Variants in LMBR1 observed in about 807,000 individuals in gnomAD.
LMBR1 encodes the protein limb region 1 protein homolog.
A neutral mutation model predicts 73.9 loss-of-function variants in LMBR1; 52 were observed. The observed-to-expected ratio is 0.70, with a 90% CI of 0.56 to 0.89. The LOEUF is 0.89. Among genes scored for constraint, LMBR1 ranks in the 40% least tolerant of loss-of-function variants. The pLI is 0.00. For missense variants in LMBR1, 539 were observed against 579.8 expected, an observed-to-expected ratio of 0.93 and a Z score of 0.72; for synonymous variants, 215 against 209.4, an observed-to-expected ratio of 1.03 and a Z score of -0.23.
intron 5 of LMBR1, among the ~76,000 whole-genome samples, chr7:156,787,039 G>A (rs541240277): frequency 2.0e-5 from 3 of 152,248 alleles, no homozygotes; most frequent in African/African-American, 2.4e-5. Context: ...GGAAGTCAGC[G>A]CCTACAGATG....
chr7:156,891,320 T>C (rs1165207748), intron 1 of LMBR1, among the ~76,000 whole-genome samples: 1 of 142,984 alleles, frequency 7.0e-6, no homozygotes, highest in East Asian at 2.1e-4. Context: ...TAGAAACTAC[T>C]GAAGTGCCCA....
intron 5 of LMBR1, chr7:156,779,643 C>T (rs1234544899): frequency 1.6e-6 from 2 of 1,242,424 alleles, no homozygotes; most frequent in African/African-American, 3.1e-5. Context: ...GTGAAAATTA[C>T]AATGTACTTA....
At chr7:156,813,091 G>A (rs1188391352) in intron 4 of LMBR1, among the ~76,000 whole-genome samples, 1 of 152,150 alleles carries the variant, frequency 6.6e-6, no homozygotes, top group African/African-American at 2.4e-5. Flanking sequence ...ACCAACACTT[G>A]AATATTGGCT....
chr7:156,674,473 A>G (rs1438325256), downstream of LMBR1, among the ~76,000 whole-genome samples: 2 of 152,028 alleles, frequency 1.3e-5, no homozygotes, highest in African/African-American at 4.8e-5. Context: ...TTTGCTTTAC[A>G]CTCTTCACAT....
intron 10 of LMBR1, among the ~76,000 whole-genome samples, chr7:156,729,697 T>G (rs1202184996): frequency 1.3e-5 from 2 of 152,028 alleles, no homozygotes; most frequent in African/African-American, 4.8e-5. Flanking sequence ...ATGGTCCCGA[T>G]CTCCTGACCT....
At chr7:156,890,469 AC>A (rs2134629148) in intron 1 of LMBR1, among the ~76,000 whole-genome samples, 1 of 152,364 alleles carries the variant, frequency 6.6e-6, no homozygotes, top group Non-Finnish European at 1.5e-5. Flanking sequence ...ACAATATAAT[AC>A]AAGTTATTCT....
intron 1 of LMBR1, among the ~76,000 whole-genome samples, chr7:156,869,064 T>C (rs1027527128): frequency 5.3e-5 from 8 of 152,204 alleles, no homozygotes; most frequent in African/African-American, 1.9e-4. Flanking sequence ...TCAGAACATA[T>C]TTTCTTTACG....
intron 4 of LMBR1, among the ~76,000 whole-genome samples, chr7:156,810,859 A>G (rs1832972378): frequency 6.6e-6 from 1 of 151,236 alleles, no homozygotes; most frequent in African/African-American, 2.4e-5. Context: ...CCCAGGCTGG[A>G]GTACAGTGGC....
At chr7:156,868,879 C>T (rs1798862157) in intron 1 of LMBR1, among the ~76,000 whole-genome samples, 1 of 152,118 alleles carries the variant, frequency 6.6e-6, no homozygotes, top group Non-Finnish European at 1.5e-5. Context: ...GTGGGAAGAT[C>T]ACCTGAGCCC....
chr7:156,679,103 C>T lies in LMBR1; in HGVS notation c.*4975G>A, dbSNP rs889981520. The T allele has an allele frequency of 8.5e-5, 13 of 152,128 alleles. No homozygotes were observed. Among genetic ancestry groups the T allele is most frequent in the Non-Finnish European group, 7.3e-5 (5 of 68,046 alleles). The allele number at this position is 152,128 out of a possible 1,614,324, so 9.4% of individuals were successfully genotyped here. On this transcript the variant is annotated 3_prime_UTR_variant, in exon 17 of 17. Transcript: ENST00000353442. ...TGTATTTACATCCAGTTCATCTGCCCACTGTAAGCGTGACCCCAGGCAAAT... is the reference window on the plus strand; with the variant it reads ...TGTATTTACATCCAGTTCATCTGCCTACTGTAAGCGTGACCCCAGGCAAAT...
chr7:156,811,350 G>A (rs1358337906), intron 4 of LMBR1, among the ~76,000 whole-genome samples: 1 of 151,856 alleles, frequency 6.6e-6, no homozygotes, highest in Non-Finnish European at 1.5e-5. Flanking sequence ...GGTGGCTCAC[G>A]CCTGTAATCC....
intron 1 of LMBR1, among the ~76,000 whole-genome samples, chr7:156,865,179 C>T (rs888263879): frequency 3.3e-5 from 5 of 151,750 alleles, no homozygotes; most frequent in African/African-American, 9.7e-5. Flanking sequence ...TGATGTTGCA[C>T]GCCTGTAGTC....
At chr7:156,793,942 A>T (rs1209610539) in intron 5 of LMBR1, among the ~76,000 whole-genome samples, 1 of 151,498 alleles carries the variant, frequency 6.6e-6, no homozygotes, top group African/African-American at 2.4e-5. Context: ...AAATTTTCTC[A>T]CGGTTGCAGC....
intron 9 of LMBR1, among the ~76,000 whole-genome samples, chr7:156,736,142 T>A (rs1467329836): frequency 6.6e-6 from 1 of 152,100 alleles, no homozygotes; most frequent in Non-Finnish European, 1.5e-5. Context: ...TAGCTTAGAG[T>A]CACATGTCAG....
intron 15 of LMBR1, among the ~76,000 whole-genome samples, chr7:156,690,739 G>A (rs1246521416): frequency 1.3e-5 from 2 of 152,082 alleles, no homozygotes; most frequent in African/African-American, 4.8e-5. Context: ...ATAAAAACTA[G>A]TTCCAAGACA....
At position 156,679,049 on chromosome 7, in the gene LMBR1, G is replaced by C. The variant is rs1157569015; in HGVS notation, c.*5029C>G. 1 of 152,134 alleles carries C rather than the reference G, an allele frequency of 6.6e-6. No homozygotes were observed. Among genetic ancestry groups the C allele is most frequent in the Admixed American group, 6.6e-5 (1 of 15,260 alleles). The allele number at this position is 152,134 out of a possible 1,614,324, so 9.4% of individuals were successfully genotyped here. A position where few individuals can be genotyped will look rare whatever the true frequency, so the allele number is the denominator to read the frequency against. On this transcript the variant is annotated 3_prime_UTR_variant, in exon 17 of 17. Coordinates refer to ENST00000353442, the MANE Select transcript of LMBR1 (RefSeq NM_022458.4). ...CAAGAAACTGAAAACCTAAAACAAA[G>C]AAAAAATGAGACTGCGGTTGTACTG... is the stretch of plus-strand genomic sequence containing the variant.
intron 16 of LMBR1, 116 bp from the exon 17 acceptor site, chr7:156,684,279 G>A: frequency 1.2e-6 from 1 of 802,692 alleles, no homozygotes; most frequent in Non-Finnish European, 2.1e-6. Flanking sequence ...AAAGCTGTGA[G>A]GTGCTGGCCA....
intron 3 of LMBR1, among the ~76,000 whole-genome samples, chr7:156,831,091 A>G (rs1285469963): frequency 1.3e-5 from 2 of 152,178 alleles, no homozygotes; most frequent in African/African-American, 4.8e-5. Context: ...GCACTTAGGG[A>G]AGGCCTCACT....
chr7:156,828,091 C>T (rs927739758), intron 3 of LMBR1, among the ~76,000 whole-genome samples: 16 of 152,202 alleles, frequency 1.1e-4, no homozygotes, highest in Admixed American at 6.5e-5. Flanking sequence ...TGCTATCATT[C>T]CTTCCTATGC....
Sources: gnomAD v4.1 joint callset for allele counts (sites outside exome capture counted in the v4.1 genomes callset) on GRCh38, gnomAD v4.1.1 for gene constraint, MANE v1.5 for transcripts, NCBI Gene and HGNC (gene_info 2026-07-23, HGNC 2026-07-21) for gene names.